NUDT3: variants seen among roughly 807,000 people sequenced by gnomAD.
The protein encoded by NUDT3 is diphosphoinositol polyphosphate phosphohydrolase 1.
NUDT3 carries 9 observed loss-of-function variants against 23.6 expected under a neutral mutation model. The ratio of observed to expected loss-of-function variants is 0.38; its 90% CI spans 0.23 to 0.66. The LOEUF (loss-of-function observed/expected upper bound fraction) is 0.66. Among genes scored for constraint, NUDT3 ranks in the 30% least tolerant of loss-of-function variants. The pLI is 0.52. For synonymous variants in NUDT3, 86 were observed against 82.6 expected (o/e 1.04, Z -0.22); for missense variants, 172 against 218.5 (o/e 0.79, Z 1.34).
chr6:34,339,466 G>A (rs1006275916), intron 2 of NUDT3, among the ~76,000 whole-genome samples: 3 of 152,168 alleles, frequency 2.0e-5, no homozygotes, highest in African/African-American at 7.2e-5. Flanking sequence ...AAAATCACCA[G>A]AGGTCCTATT....
At chr6:34,392,232 G>A (rs750648215) in intron 1 of NUDT3, 32 bp downstream of exon 1, 3 of 1,532,042 alleles carry the variant, frequency 2.0e-6, no homozygotes, top group African/African-American at 1.4e-5. Context: ...CGGAGACCCG[G>A]CGACCCCGGC....
chr6:34,304,657 CTTTT>C (rs550653985), intron 2 of NUDT3, among the ~76,000 whole-genome samples: 1 of 142,160 alleles, frequency 7.0e-6, no homozygotes, highest in African/African-American at 2.6e-5. Context: ...TTTCTTTTTC[CTTTT>C]TTTTTTTGTT....
chr6:34,318,760 G>A (rs879555174), intron 2 of NUDT3, among the ~76,000 whole-genome samples: 6 of 151,818 alleles, frequency 4.0e-5, no homozygotes, highest in African/African-American at 7.3e-5. Flanking sequence ...ATGAAGTCTC[G>A]CTATGTTGCC....
rs1052267446 is a variant in NUDT3 at position 34,282,803 on chromosome 6, G to A, written c.*5950C>T. 1 of 152,032 alleles carries A rather than the reference G, an allele frequency of 6.6e-6. No individual in the cohort carries two copies. Among genetic ancestry groups the A allele is most frequent in the Non-Finnish European group, 1.5e-5 (1 of 68,020 alleles). The allele number at this position is 152,032 out of a possible 1,614,324, so 9.4% of individuals were successfully genotyped here. ...GGGTTTTAAATGACGCTTTTTTTGT[G>A]TGCTTCCTGATAGGAAGTCAAATAA... On this transcript the variant is annotated 3_prime_UTR_variant, in exon 5 of 5. Transcript: ENST00000607016.
At chr6:34,295,536 TA>T (rs75008403) in intron 3 of NUDT3, 104 bp downstream of exon 3, 39,070 of 1,083,736 alleles carry the variant, frequency 0.036, 28 homozygotes, top group African/African-American at 0.052. Flanking sequence ...TAAAAATAAC[TA>T]AAAAAAAAAA....
chr6:34,333,395 A>T (rs1764158954), intron 2 of NUDT3, among the ~76,000 whole-genome samples: 1 of 152,216 alleles, frequency 6.6e-6, no homozygotes, highest in South Asian at 2.1e-4. Context: ...TGTTTATATA[A>T]AAACTTTTTC....
intron 1 of NUDT3, among the ~76,000 whole-genome samples, chr6:34,380,509 C>A (rs879867577): frequency 2.0e-5 from 3 of 152,152 alleles, no homozygotes; most frequent in Non-Finnish European, 4.4e-5. Flanking sequence ...AGAGTCACTG[C>A]AGCCAGCTAA....
intron 1 of NUDT3, among the ~76,000 whole-genome samples, chr6:34,359,370 T>TA (rs1561917930): frequency 6.6e-6 from 1 of 152,062 alleles, no homozygotes; most frequent in Non-Finnish European, 1.5e-5. Context: ...CAAGACTGCC[T>TA]AAAAAAACAA....
At chr6:34,373,265 A>C (rs145239690) in intron 1 of NUDT3, among the ~76,000 whole-genome samples, 1,182 of 115,968 alleles carry the variant, frequency 0.01, 15 homozygotes, top group African/African-American at 0.035. Context: ...GGCGACTGAG[A>C]AAGACTCCGT....
At chr6:34,345,268 T>C (rs1370674910) in intron 1 of NUDT3, among the ~76,000 whole-genome samples, 1 of 149,818 alleles carries the variant, frequency 6.7e-6, no homozygotes, top group Non-Finnish European at 1.5e-5. Flanking sequence ...CAGGCTGGTC[T>C]TGAACTCCTG....
chr6:34,320,312 G>A (rs571259363), intron 2 of NUDT3, among the ~76,000 whole-genome samples: 13 of 152,060 alleles, frequency 8.5e-5, no homozygotes, highest in Admixed American at 1.3e-4. Flanking sequence ...TGCAACCTCC[G>A]CCTCCCGGGT....
chr6:34,310,446 C>T (rs747623235), intron 2 of NUDT3, among the ~76,000 whole-genome samples: 1 of 151,904 alleles, frequency 6.6e-6, no homozygotes, highest in Non-Finnish European at 1.5e-5. Context: ...GGGAGAATCA[C>T]TTGAACTGGG....
At chr6:34,385,542 CTA>C (rs1765091702) in intron 1 of NUDT3, among the ~76,000 whole-genome samples, 2 of 151,912 alleles carry the variant, frequency 1.3e-5, no homozygotes, top group Admixed American at 6.6e-5. Flanking sequence ...AATCAATGAC[CTA>C]TGTTTTCCAG....
rs570843525 is a variant in NUDT3 at position 34,288,869 on chromosome 6, C to A, written c.403G>T (p.Val135Leu). ...AIKVLQYHKP[V>L]QASYFETLRQ... ...AATGTTTCAAAATATGATGCCTGCA[C>A]GGGTTTGTGATACTGCAGCACTTTT... The change falls in exon 5 of 5, where the codon GTG becomes TTG. Residue 135 changes from valine to leucine, a missense_variant. Val to Leu is a conservative substitution (Grantham distance 32, BLOSUM62 1). Around this residue, in one of 3 missense-constraint regions of NUDT3, gnomAD observed 63 missense variants for 64.9 expected, o/e 0.97. Coordinates refer to ENST00000607016, the MANE Select transcript of NUDT3 (RefSeq NM_006703.4). 9.9e-6 allele frequency: 16 copies of A among 1,613,958 alleles called. No individual in the cohort carries two copies. The highest frequency in any genetic ancestry group is 4.5e-5 in the East Asian group (2 of 44,886).
chr6:34,297,607 G>A lies in NUDT3; in HGVS notation c.211-1922C>T, dbSNP rs368615372. ...GGCTGGAGTGCAGTGGCATGATCTCGGCTCACTACAACCTCCGTCTCCCAG... is the reference window on the plus strand; with the variant it reads ...GGCTGGAGTGCAGTGGCATGATCTCAGCTCACTACAACCTCCGTCTCCCAG... On this transcript the variant is annotated intron_variant, in intron 2 of 4. Transcript: ENST00000607016. 1.6e-3 allele frequency among the ~76,000 whole-genome samples: 238 copies of A among 146,120 alleles called. 2 individuals are homozygous for A. The highest frequency in any genetic ancestry group is 5.3e-3 in the African/African-American group (211 of 39,526).
At chr6:34,380,217 A>G (rs1314896176) in intron 1 of NUDT3, among the ~76,000 whole-genome samples, 2 of 151,648 alleles carry the variant, frequency 1.3e-5, no homozygotes, top group Non-Finnish European at 2.9e-5. Context: ...ACGCCCGGCT[A>G]ATTTTTGTAT....
intron 1 of NUDT3, among the ~76,000 whole-genome samples, chr6:34,384,650 T>C (rs1472924379): frequency 6.6e-6 from 1 of 152,178 alleles, no homozygotes; most frequent in African/African-American, 2.4e-5. Context: ...TATTACCCAA[T>C]TTTGGATTAT....
intron 2 of NUDT3, among the ~76,000 whole-genome samples, chr6:34,331,877 A>G (rs930076223): frequency 2.0e-5 from 3 of 152,026 alleles, no homozygotes; most frequent in Non-Finnish European, 4.4e-5. Flanking sequence ...ACATCTGTGT[A>G]TACTTTTTTT....
chr6:34,324,766 TCTTA>T (rs1399177470), intron 2 of NUDT3, among the ~76,000 whole-genome samples: 236 of 152,316 alleles, frequency 1.5e-3, no homozygotes, highest in African/African-American at 5.1e-3. Context: ...AAGTCAATCA[TCTTA>T]AGGATGACTC....
Sources: gnomAD v4.1 joint callset for allele counts (sites outside exome capture counted in the v4.1 genomes callset) on GRCh38, gnomAD v4.1.1 for gene constraint, gnomAD v4.1.1 regional missense constraint, MANE v1.5 for transcripts, NCBI Gene and HGNC (gene_info 2026-07-23, HGNC 2026-07-21) for gene names.